SIL1: variants seen among roughly 807,000 people sequenced by gnomAD.
The protein encoded by SIL1 is SIL1 nucleotide exchange factor.
SIL1 carries 40 observed loss-of-function variants against 49.1 expected under a neutral mutation model. The ratio of observed to expected loss-of-function variants is 0.81; its 90% CI spans 0.63 to 1.06. SIL1 has a LOEUF of 1.06. SIL1 is among the 50% of genes least tolerant of loss of function. SIL1 has a pLI of 0.00. For synonymous variants in SIL1, 253 were observed against 250.8 expected, an observed-to-expected ratio of 1.01 and a Z score of -0.08; for missense variants, 500 against 572.6, an observed-to-expected ratio of 0.87 and a Z score of 1.29.
At chr5:139,091,211 T>G (rs922127514) in intron 3 of SIL1, among the ~76,000 whole-genome samples, 2 of 152,048 alleles carry the variant, frequency 1.3e-5, no homozygotes, top group African/African-American at 4.8e-5. Context: ...TTAATTTGAT[T>G]ATGCAAAAAT....
At position 138,948,637 on chromosome 5, in the gene SIL1, T is replaced by G. The variant is rs1348157955; in HGVS notation, c.1030-1164A>C. ...TCCGACTTCCAGGTGCACCCCCGCA[T>G]TGGCCCCATTCACTCCACGGCTCCC... On this transcript the variant is annotated intron_variant, in intron 9 of 9. Coordinates refer to ENST00000394817, the MANE Select transcript of SIL1 (RefSeq NM_022464.5). This position sits in a 1 kb window ranked among gnomAD's most constrained non-coding sequence, Gnocchi z 4.8. 0.1 allele frequency among the ~76,000 whole-genome samples: 2 copies of G among 20 alleles called. No individual in the cohort carries two copies. The highest frequency in any genetic ancestry group is 0.25 in the African/African-American group (2 of 8). The allele number at this position is 20 out of a possible 152,430, so 0.0% of individuals were successfully genotyped here.
At chr5:139,179,417 T>C (rs780234157) in intron 1 of SIL1, among the ~76,000 whole-genome samples, 1 of 152,202 alleles carries the variant, frequency 6.6e-6, no homozygotes, top group Admixed American at 6.5e-5. Context: ...AAGTCGCTCC[T>C]GATGAGGCAG....
At chr5:139,032,768 T>C (rs570609684) in intron 5 of SIL1, 4 of 152,248 alleles carry the variant, frequency 2.6e-5, no homozygotes, top group Non-Finnish European at 5.9e-5. Context: ...TATTATTTCA[T>C]ATTGGGTAAA....
chr5:139,103,385 G>A (rs923974302), intron 3 of SIL1, among the ~76,000 whole-genome samples: 1 of 152,142 alleles, frequency 6.6e-6, no homozygotes, highest in Non-Finnish European at 1.5e-5. Context: ...AGTACAATGT[G>A]CTGCACTGAA....
At chr5:138,972,877 G>A (rs1303436651) in intron 7 of SIL1, among the ~76,000 whole-genome samples, 9 of 152,228 alleles carry the variant, frequency 5.9e-5, no homozygotes, top group Non-Finnish European at 2.9e-5. Context: ...ACCAAGTCCA[G>A]GACAAACGGG....
chr5:139,026,572 C>T (rs751091011), intron 6 of SIL1, among the ~76,000 whole-genome samples: 4 of 152,156 alleles, frequency 2.6e-5, no homozygotes, highest in Non-Finnish European at 2.9e-5. Context: ...CACTGCACTC[C>T]AGGCTGGGTG....
intron 3 of SIL1, among the ~76,000 whole-genome samples, chr5:139,105,630 T>C (rs1770686424): frequency 6.6e-6 from 1 of 152,210 alleles, no homozygotes; most frequent in African/African-American, 2.4e-5. Context: ...GCATAATGCA[T>C]GCAGGCCCGG....
intron 1 of SIL1, among the ~76,000 whole-genome samples, chr5:139,190,022 T>C (rs1304851910): frequency 6.6e-6 from 1 of 152,186 alleles, no homozygotes; most frequent in Non-Finnish European, 1.5e-5. Flanking sequence ...AAGATAGCTA[T>C]AAAAATACAT....
chr5:139,039,970 C>T (rs1355402520), intron 5 of SIL1, among the ~76,000 whole-genome samples: 1 of 152,090 alleles, frequency 6.6e-6, no homozygotes, highest in Admixed American at 6.6e-5. Flanking sequence ...ACCAAGCTAC[C>T]GATGGATACA....
rs139166593 is a variant in SIL1 at position 139,164,220 on chromosome 5, A to G, written c.-11+34049T>C. ...TTGCCAAAGGCCACGCAACATGTAC[A>G]TGGCACAAAGCCAGGAAGGGACTCC... On this transcript the variant is annotated intron_variant, in intron 1 of 9. Coordinates refer to ENST00000394817, the MANE Select transcript of SIL1 (RefSeq NM_022464.5). Among the ~76,000 whole-genome samples the G allele has an allele frequency of 2.0e-3, 312 of 152,232 alleles. 2 individuals are homozygous for G. The highest frequency in any genetic ancestry group is 0.014 in the Middle Eastern group (4 of 292).
At chr5:139,041,180 T>C (rs150972356) in intron 5 of SIL1, among the ~76,000 whole-genome samples, 57 of 152,286 alleles carry the variant, frequency 3.7e-4, no homozygotes, top group African/African-American at 1.3e-3. Context: ...ACATCTGTGG[T>C]AGGACACAAT....
chr5:139,091,677 A>G (rs1770345617), intron 3 of SIL1, among the ~76,000 whole-genome samples: 1 of 152,230 alleles, frequency 6.6e-6, no homozygotes, highest in Non-Finnish European at 1.5e-5. Flanking sequence ...GACTGCAAAG[A>G]TATGTTGGCA....
At chr5:138,965,873 T>C (rs1362347096) in intron 7 of SIL1, among the ~76,000 whole-genome samples, 1 of 151,898 alleles carries the variant, frequency 6.6e-6, no homozygotes, top group African/African-American at 2.4e-5. Flanking sequence ...TTTATTGACC[T>C]TTATATCTTC....
chr5:139,092,892 C>T (rs1001998726), intron 3 of SIL1, among the ~76,000 whole-genome samples: 1 of 152,062 alleles, frequency 6.6e-6, no homozygotes, highest in African/African-American at 2.4e-5. Flanking sequence ...CTGAATGTGA[C>T]AATGTTGAAA....
chr5:139,075,748 G>T lies in SIL1; in HGVS notation c.245-24702C>A, dbSNP rs1185740742. ...GCCCCATTATACTGAATTGATTTTAGTTTTGCCAAATCACTAAAATATTTC... is the reference window on the plus strand; with the variant it reads ...GCCCCATTATACTGAATTGATTTTATTTTTGCCAAATCACTAAAATATTTC... On this transcript the variant is annotated intron_variant, in intron 3 of 9. Transcript: ENST00000394817. 2.0e-5 allele frequency among the ~76,000 whole-genome samples: 3 copies of T among 152,314 alleles called. No individual in the cohort carries two copies. The East Asian group carries it at 5.8e-4, about 29-fold the overall frequency.
intron 7 of SIL1, among the ~76,000 whole-genome samples, chr5:138,997,904 T>C (rs1767905005): frequency 6.6e-6 from 1 of 152,202 alleles, no homozygotes; most frequent in East Asian, 1.9e-4. Context: ...TGCTTCCAGC[T>C]TTGTTCTTTC....
Position 139,047,831 on chromosome 5 carries a change from T to A in SIL1, c.353+3107A>T, listed in dbSNP as rs186414872. On this transcript the variant is annotated intron_variant, in intron 4 of 9. Coordinates refer to ENST00000394817, the MANE Select transcript of SIL1 (RefSeq NM_022464.5). ...TAGGTTTGCCATTAGCTATAAATGC[T>A]GAGAAGGAAGAAGAAAGGTCCAGCA... Among the ~76,000 whole-genome samples, 88 of 152,310 alleles carry A rather than the reference T, an allele frequency of 5.8e-4. 1 individual carries two copies. The highest frequency in any genetic ancestry group is 1.1e-3 in the Non-Finnish European group (77 of 68,034).
chr5:139,198,010 A>G (rs981560824), intron 1 of SIL1, among the ~76,000 whole-genome samples: 2 of 152,202 alleles, frequency 1.3e-5, no homozygotes, highest in African/African-American at 4.8e-5. Context: ...GCCAAAGCCA[A>G]TCTCAAATTT....
At chr5:139,028,955 T>C (rs573098014) in intron 5 of SIL1, among the ~76,000 whole-genome samples, 73 of 152,200 alleles carry the variant, frequency 4.8e-4, no homozygotes, top group Non-Finnish European at 1.0e-3. Context: ...TTGTCACTAA[T>C]TTATTCTCCA....
Sources: gnomAD v4.1 joint callset for allele counts (sites outside exome capture counted in the v4.1 genomes callset) on GRCh38, gnomAD v4.1.1 for gene constraint, Gnocchi (gnomAD v3.1) non-coding constraint, MANE v1.5 for transcripts, NCBI Gene and HGNC (gene_info 2026-07-23, HGNC 2026-07-21) for gene names.